SP3: variants seen among roughly 807,000 people sequenced by gnomAD.
SP3 encodes the protein transcription factor Sp3.
In SP3, 10 loss-of-function variants were observed where a neutral mutation model predicts 70.3. The ratio of observed to expected loss-of-function variants is 0.14; its 90% CI spans 0.09 to 0.24. The LOEUF (loss-of-function observed/expected upper bound fraction) is 0.24. SP3 is among the 10% of genes least tolerant of loss of function. The pLI is 1.00. For missense variants in SP3, 825 were observed against 914.6 expected (o/e 0.90, Z 1.26); for synonymous variants, 402 against 333.5 (o/e 1.21, Z -2.24).
intron 3 of SP3, among the ~76,000 whole-genome samples, chr2:173,958,731 T>G (rs1419197667): frequency 6.6e-6 from 1 of 151,448 alleles, no homozygotes; most frequent in East Asian, 1.9e-4. Context: ...ATCAGAAAAC[T>G]ACTAGATGAT....
At chr2:173,961,900 G>T (rs1691092411) in intron 3 of SP3, among the ~76,000 whole-genome samples, 3 of 148,944 alleles carry the variant, frequency 2.0e-5, no homozygotes, top group Admixed American at 2.0e-4. Flanking sequence ...AAAATCTTGG[G>T]TGCAGGTACC....
chr2:173,952,978 T>C (rs1000762016), intron 4 of SP3, among the ~76,000 whole-genome samples: 2 of 152,366 alleles, frequency 1.3e-5, no homozygotes, highest in Admixed American at 1.3e-4. Context: ...GTGATGATGG[T>C]TGTACAACTC....
rs956684583 is a variant in SP3 at position 173,904,081 on chromosome 2, A to G, written c.*5860T>C. 2.6e-5 allele frequency among the ~76,000 whole-genome samples: 4 copies of G among 152,102 alleles called. No homozygotes were observed. The highest frequency in any genetic ancestry group is 9.7e-5 in the African/African-American group (4 of 41,406). ...TTCTCTTAAGGAGGGCACTACCTAG[A>G]TCCCTCGCATGCGGGGTTCACAACG... On this transcript the variant is annotated 3_prime_UTR_variant, in exon 7 of 7. Transcript: ENST00000310015.
intron 4 of SP3, among the ~76,000 whole-genome samples, chr2:173,933,255 AT>A (rs1690116481): frequency 6.6e-6 from 1 of 152,026 alleles, no homozygotes. Flanking sequence ...TTTACATTCT[AT>A]TTTTTATACT....
chr2:173,965,430 G>A (rs1691264394), upstream of SP3: 1 of 528,708 alleles, frequency 1.9e-6, no homozygotes, highest in Non-Finnish European at 3.4e-6. Context: ...CGTGCTCTTT[G>A]TCGGCTGTGC....
chr2:173,902,613 T>C lies in SP3; in HGVS notation c.*7328A>G, dbSNP rs1384442456. Among the ~76,000 whole-genome samples the C allele has an allele frequency of 1.3e-5, 2 of 152,224 alleles. No homozygotes were observed. The highest frequency in any genetic ancestry group is 4.8e-5 in the African/African-American group (2 of 41,462). ...AAATGGATACATTGTGATAAACTTA[T>C]TCAATGAACTACAGCATTTAAATGA... is the stretch of plus-strand genomic sequence containing the variant. On this transcript the variant is annotated 3_prime_UTR_variant, in exon 7 of 7. Transcript: ENST00000310015.
chr2:173,943,977 G>A (rs1311379736), intron 4 of SP3, among the ~76,000 whole-genome samples: 1 of 152,166 alleles, frequency 6.6e-6, no homozygotes, highest in Non-Finnish European at 1.5e-5. Context: ...ATAGGCAACT[G>A]TAAACATGAT....
At chr2:173,957,667 A>G (rs1357783936) in intron 3 of SP3, among the ~76,000 whole-genome samples, 2 of 152,100 alleles carry the variant, frequency 1.3e-5, no homozygotes, top group East Asian at 1.9e-4. Context: ...TATCCTGTAG[A>G]TAGTGAGTGA....
At chr2:173,922,406 T>C (rs1050786531) in intron 4 of SP3, among the ~76,000 whole-genome samples, 1 of 151,906 alleles carries the variant, frequency 6.6e-6, no homozygotes, top group Non-Finnish European at 1.5e-5. Flanking sequence ...GGGCCTATTT[T>C]GAAATATGAA....
At chr2:173,931,256 C>T (rs754695353) in intron 4 of SP3, among the ~76,000 whole-genome samples, 22 of 152,138 alleles carry the variant, frequency 1.4e-4, no homozygotes, top group Non-Finnish European at 2.1e-4. Flanking sequence ...TGGCTAGGCG[C>T]GGTGGTTCAC....
chr2:173,957,307 GCAGA>G (rs1389425591), intron 3 of SP3, among the ~76,000 whole-genome samples: 1 of 151,906 alleles, frequency 6.6e-6, no homozygotes, highest in African/African-American at 2.4e-5. Flanking sequence ...GTCAATCCAA[GCAGA>G]CATACACACA....
chr2:173,948,883 CAA>C (rs1559105294), intron 4 of SP3, among the ~76,000 whole-genome samples: 6 of 152,022 alleles, frequency 3.9e-5, no homozygotes, highest in Admixed American at 2.0e-4. Flanking sequence ...CCATAGCATG[CAA>C]TACATACATG....
chr2:173,910,087 T>C lies in SP3; in HGVS notation c.2200A>G (p.Thr734Ala). 6.2e-7 allele frequency: 1 copy of C among 1,612,984 alleles called. No individual in the cohort carries two copies. Among genetic ancestry groups the C allele is most frequent in the Non-Finnish European group, 8.5e-7 (1 of 1,179,202 alleles). Residue 734 changes from threonine (T) to alanine (A), a missense_variant, in exon 7 of 7, where the codon ACG (threonine) becomes GCG (alanine). By Grantham distance (58) the Thr-to-Ala change is moderately conservative. Coordinates refer to ENST00000310015, the MANE Select transcript of SP3 (RefSeq NM_003111.5). ...TGTTGAATATTTGCAAGGATAAGCG[T>C]TGTTCCTCCTGCAGTAATCAAAGTA... ...DDTLITAGGT[T>A]LILANIQQGS... is the part of the protein sequence containing the mutation.
rs372014056 is a variant in SP3, at chr2:173,950,075, C to T, written c.1639+4798G>A. On this transcript the variant is annotated intron_variant, in intron 4 of 6. Transcript: ENST00000310015. ...AAGTTTCCTAAAACAGCATGCATTT[C>T]TCAGTGGGCCACAAATGGACAGAAA... Among the ~76,000 whole-genome samples, 2 of 152,038 alleles carry T rather than the reference C, an allele frequency of 1.3e-5. 1 individual carries two copies. The highest frequency in any genetic ancestry group is 2.9e-5 in the Non-Finnish European group (2 of 68,006).
intron 4 of SP3, among the ~76,000 whole-genome samples, chr2:173,926,069 T>G (rs892530387): frequency 1.3e-5 from 2 of 152,126 alleles, no homozygotes; most frequent in Admixed American, 6.5e-5. Context: ...ATGAATAAGG[T>G]TAAGTATTCA....
At position 173,953,067 on chromosome 2, in the gene SP3, A is replaced by AT. The variant is rs1245426710; in HGVS notation, c.1639+1805dup. Among the ~76,000 whole-genome samples the AT allele has an allele frequency of 2.6e-5, 4 of 152,220 alleles. No individual in the cohort carries two copies. The South Asian group carries it at 6.2e-4, about 24-fold the overall frequency. On this transcript the variant is annotated intron_variant, in intron 4 of 6. Transcript: ENST00000310015. Reference sequence around the variant, plus strand: ...TGAGTTATATCCCAATAAAGCTATTATTTTTTAAAAGACATGCAGCCCTCA... The same window carrying AT: ...TGAGTTATATCCCAATAAAGCTATTATTTTTTTAAAAGACATGCAGCCCTCA...
At chr2:173,942,208 G>A (rs1328202652) in intron 4 of SP3, among the ~76,000 whole-genome samples, 1 of 152,202 alleles carries the variant, frequency 6.6e-6, no homozygotes, top group Non-Finnish European at 1.5e-5. Flanking sequence ...GGAGGAGGAT[G>A]AACACAAGTT....
Position 173,913,055 on chromosome 2 carries a change from G to GT in SP3, c.2029+14dup. On this transcript the variant is annotated intron_variant, in intron 6 of 6. Coordinates refer to ENST00000310015, the MANE Select transcript of SP3 (RefSeq NM_003111.5). The stretch of plus-strand genomic sequence containing the variant: ...TATAATTCATTTTTGTCTGTTAAAA[G>GT]TAAGTATTAGTAACCTGTATGTGTT... 6.5e-7 allele frequency: 1 copy of GT among 1,532,662 alleles called. No homozygotes were observed. Among genetic ancestry groups the GT allele is most frequent in the Non-Finnish European group, 8.8e-7 (1 of 1,133,630 alleles). 94.9% of individuals were successfully genotyped at this position (1,532,662 alleles called of 1,614,324 possible).
Position 173,904,930 on chromosome 2 carries a change from CTT to C in SP3, c.*5009_*5010del. On this transcript the variant is annotated 3_prime_UTR_variant, in exon 7 of 7. Coordinates refer to ENST00000310015, the MANE Select transcript of SP3 (RefSeq NM_003111.5). Reference sequence around the variant, plus strand: ...TCTTAAAAACCACTTCAGTGCTAGACTTTATCTTTCAGTCGCAATGAACCTGA... The same window carrying C: ...TCTTAAAAACCACTTCAGTGCTAGACTATCTTTCAGTCGCAATGAACCTGA... Among the ~76,000 whole-genome samples, 1 of 152,296 alleles carries C rather than the reference CTT, an allele frequency of 6.6e-6. No homozygotes were observed. Among genetic ancestry groups the C allele is most frequent in the South Asian group, 2.1e-4 (1 of 4,832 alleles).
Sources: allele counts gnomAD v4.1 joint callset (sites outside exome capture counted in the v4.1 genomes callset), GRCh38; gene constraint gnomAD v4.1.1; transcripts MANE v1.5; gene names NCBI Gene and HGNC (gene_info 2026-07-23, HGNC 2026-07-21).